ZMAT3: variants seen among roughly 807,000 people sequenced by gnomAD.
ZMAT3 encodes zinc finger matrin-type protein 3.
ZMAT3 carries 17 observed loss-of-function variants against 32.3 expected under a neutral mutation model. The ratio of observed to expected loss-of-function variants is 0.53; its 90% CI spans 0.36 to 0.79. The LOEUF (loss-of-function observed/expected upper bound fraction) is 0.79. ZMAT3 is among the 30% of genes least tolerant of loss of function. The pLI is 0.00. For missense variants in ZMAT3, 329 were observed against 359.7 expected (o/e 0.91, Z 0.69); for synonymous variants, 120 against 133.1 (o/e 0.90, Z 0.68).
Position 179,024,850 on chromosome 3 carries a change from C to A in ZMAT3, c.*167G>T. On this transcript the variant is annotated 3_prime_UTR_variant, in exon 6 of 6. Transcript: ENST00000311417. ...TTCTTCACACCCACCTCCCCCCGCC[C>A]CGCCCCCGGGCCCCCAGGTTTTGAC... The A allele has an allele frequency of 2.0e-6, 1 of 508,268 alleles. No homozygotes were observed. The highest frequency in any genetic ancestry group is 3.5e-6 in the Non-Finnish European group (1 of 285,460). The allele number at this position is 508,268 out of a possible 1,614,324, so 31.5% of individuals were successfully genotyped here. A position where few individuals can be genotyped will look rare whatever the true frequency, so the allele number is the denominator to read the frequency against.
At chr3:179,044,039 G>C (rs920366454) in intron 2 of ZMAT3, among the ~76,000 whole-genome samples, 5 of 152,154 alleles carry the variant, frequency 3.3e-5, no homozygotes, top group Non-Finnish European at 7.3e-5. Context: ...ATTCACACCA[G>C]TTAGAATGGC....
At chr3:179,058,047 C>T (rs1040982352) in intron 2 of ZMAT3, among the ~76,000 whole-genome samples, 2 of 152,204 alleles carry the variant, frequency 1.3e-5, no homozygotes, top group Non-Finnish European at 2.9e-5. Context: ...GAGGGATGAG[C>T]TTGCAACCCG....
At chr3:179,052,993 T>A (rs988752439) in intron 2 of ZMAT3, among the ~76,000 whole-genome samples, 1 of 151,938 alleles carries the variant, frequency 6.6e-6, no homozygotes, top group Non-Finnish European at 1.5e-5. Context: ...CCAGGCACAG[T>A]GGCGGGCATC....
chr3:179,037,003 C>T (rs558843407), intron 2 of ZMAT3, among the ~76,000 whole-genome samples: 2 of 152,178 alleles, frequency 1.3e-5, no homozygotes, highest in Non-Finnish European at 2.9e-5. Flanking sequence ...AGATGGCAAA[C>T]CTCTTTTGGG....
At chr3:179,063,511 T>G (rs1178466424) in intron 2 of ZMAT3, among the ~76,000 whole-genome samples, 1 of 152,254 alleles carries the variant, frequency 6.6e-6, no homozygotes. Flanking sequence ...ATTTTATAAA[T>G]GTACTTTGAG....
chr3:179,055,259 A>G (rs1434681685), intron 2 of ZMAT3, among the ~76,000 whole-genome samples: 1 of 152,178 alleles, frequency 6.6e-6, no homozygotes, highest in Non-Finnish European at 1.5e-5. Context: ...GCCTGGCCAC[A>G]ATATCCTCTT....
intron 2 of ZMAT3, among the ~76,000 whole-genome samples, chr3:179,034,046 A>C (rs1486200090): frequency 6.6e-6 from 1 of 152,230 alleles, no homozygotes; most frequent in African/African-American, 2.4e-5. Flanking sequence ...CCTTGAACTG[A>C]CACAAACTAG....
intron 2 of ZMAT3, among the ~76,000 whole-genome samples, chr3:179,065,905 C>CA (rs61282018): frequency 1.0e-3 from 149 of 149,464 alleles, no homozygotes; most frequent in African/African-American, 3.6e-3. Flanking sequence ...GACTCTGTCT[C>CA]AAAAAAAAAT....
At chr3:179,042,163 G>A (rs1216413753) in intron 2 of ZMAT3, among the ~76,000 whole-genome samples, 2 of 152,160 alleles carry the variant, frequency 1.3e-5, no homozygotes, top group Non-Finnish European at 2.9e-5. Flanking sequence ...GGTACAAAGA[G>A]GAGCTGGTAC....
Position 179,024,063 on chromosome 3 carries a change from A to T in ZMAT3, c.*954T>A, listed in dbSNP as rs143562825. The T allele has an allele frequency of 1.3e-4, 20 of 152,132 alleles. No individual in the cohort carries two copies. Among genetic ancestry groups the T allele is most frequent in the African/African-American group, 4.8e-4 (20 of 41,514 alleles). The allele number at this position is 152,132 out of a possible 1,614,324, so 9.4% of individuals were successfully genotyped here. ...TCCATCTTAAACTCATTGAATATTC[A>T]AATATGAGGCTTGGAAAACCCACAG... On this transcript the variant is annotated 3_prime_UTR_variant, in exon 6 of 6. Coordinates refer to ENST00000311417, the MANE Select transcript of ZMAT3 (RefSeq NM_022470.4).
chr3:179,070,824 G>A (rs1721670667), intron 1 of ZMAT3, among the ~76,000 whole-genome samples: 1 of 152,184 alleles, frequency 6.6e-6, no homozygotes, highest in South Asian at 2.1e-4. Context: ...CCTGTTTAAA[G>A]AAAATTAATT....
chr3:179,069,452 A>G (rs1721597270), intron 1 of ZMAT3, among the ~76,000 whole-genome samples: 1 of 151,936 alleles, frequency 6.6e-6, no homozygotes, highest in Non-Finnish European at 1.5e-5. Flanking sequence ...CAAAATCCAC[A>G]ATTCCCTCCA....
chr3:179,041,096 C>T (rs1256769814), intron 2 of ZMAT3, among the ~76,000 whole-genome samples: 2 of 152,122 alleles, frequency 1.3e-5, no homozygotes, highest in Non-Finnish European at 2.9e-5. Context: ...TCCTCAGAGA[C>T]CCACAAAGAG....
In ZMAT3 at chr3:179,071,650, C is replaced by G. The variant is rs1451123534; in HGVS notation, c.-113G>C. 6.6e-6 allele frequency: 1 copy of G among 152,168 alleles called. No homozygotes were observed. Among genetic ancestry groups the G allele is most frequent in the Admixed American group, 6.5e-5 (1 of 15,276 alleles). The allele number at this position is 152,168 out of a possible 1,614,324, so 9.4% of individuals were successfully genotyped here. A position where few individuals can be genotyped will look rare whatever the true frequency, so the allele number is the denominator to read the frequency against. Reference sequence around the variant, plus strand: ...GCGCCGCGTCCGCCCGGGACGCCCGCGACGCCCGCCCTGCGCGCCCGGCTC... The same window carrying G: ...GCGCCGCGTCCGCCCGGGACGCCCGGGACGCCCGCCCTGCGCGCCCGGCTC... On this transcript the variant is annotated 5_prime_UTR_variant, in exon 1 of 6. Coordinates refer to ENST00000311417, the MANE Select transcript of ZMAT3 (RefSeq NM_022470.4).
In ZMAT3 at chr3:179,023,523, T is replaced by G. The variant is rs1208260882; in HGVS notation, c.*1494A>C. The G allele has an allele frequency of 6.7e-6, 1 of 149,588 alleles. No individual in the cohort carries two copies. Among genetic ancestry groups the G allele is most frequent in the Non-Finnish European group, 1.5e-5 (1 of 67,592 alleles). The allele number at this position is 149,588 out of a possible 1,614,324, so 9.3% of individuals were successfully genotyped here. A position where few individuals can be genotyped will look rare whatever the true frequency, so the allele number is the denominator to read the frequency against. On this transcript the variant is annotated 3_prime_UTR_variant, in exon 6 of 6. Transcript: ENST00000311417. Reference sequence around the variant, plus strand: ...ACCAGACTGGCAAGACAGAGGAAAATGTAAGTAAACCGTAAGAATCAGATT... The same window carrying G: ...ACCAGACTGGCAAGACAGAGGAAAAGGTAAGTAAACCGTAAGAATCAGATT...
chr3:179,040,200 G>A lies in ZMAT3; in HGVS notation c.271-9201C>T, dbSNP rs1719840630. 3.3e-5 allele frequency among the ~76,000 whole-genome samples: 5 copies of A among 152,120 alleles called. No homozygotes were observed. The South Asian group carries it at 1.0e-3, about 32-fold the overall frequency. ...AGAACTTCCCCAACCTAGCAAGGCA[G>A]GCCAACATTCAAATTCAGGAAATAC... On this transcript the variant is annotated intron_variant, in intron 2 of 5. Transcript: ENST00000311417.
rs1718437460 is a variant in ZMAT3, at chr3:179,019,539, T to C, written c.*5478A>G. 1 of 152,144 alleles carries C rather than the reference T, an allele frequency of 6.6e-6. No individual in the cohort carries two copies. The highest frequency in any genetic ancestry group is 2.4e-5 in the African/African-American group (1 of 41,444). The allele number at this position is 152,144 out of a possible 1,614,324, so 9.4% of individuals were successfully genotyped here. ...TGTTGATGGCAGAATCTAGCAGTGG[T>C]TATACTGCAAAGTTTTTTCAACTTT... On this transcript the variant is annotated 3_prime_UTR_variant, in exon 6 of 6. Transcript: ENST00000311417.
chr3:179,039,345 T>G (rs917044875), intron 2 of ZMAT3, among the ~76,000 whole-genome samples: 2 of 152,154 alleles, frequency 1.3e-5, no homozygotes, highest in Admixed American at 6.5e-5. Context: ...GGTGCCCCTC[T>G]GGGATGCAGA....
intron 2 of ZMAT3, among the ~76,000 whole-genome samples, chr3:179,058,743 G>A (rs1309385573): frequency 5.2e-5 from 7 of 135,838 alleles, no homozygotes; most frequent in East Asian, 2.0e-4. Flanking sequence ...GCGACAGAGC[G>A]AGACTCCGTC....
Sources: gnomAD v4.1 joint callset for allele counts (sites outside exome capture counted in the v4.1 genomes callset) on GRCh38, gnomAD v4.1.1 for gene constraint, MANE v1.5 for transcripts, NCBI Gene and HGNC (gene_info 2026-07-23, HGNC 2026-07-21) for gene names.